CDK17: variants seen among roughly 807,000 people sequenced by gnomAD.
CDK17 encodes cyclin-dependent kinase 17.
A neutral mutation model predicts 77.6 loss-of-function variants in CDK17; 24 were observed. The observed-to-expected ratio is 0.31, with a 90% CI of 0.22 to 0.44. CDK17 has a LOEUF of 0.44. CDK17 is among the 20% of genes least tolerant of loss of function. The pLI is 1.00. For missense variants in CDK17, 429 were observed against 622.5 expected (o/e 0.69, Z 3.31); for synonymous variants, 203 against 210.4 (o/e 0.96, Z 0.30).
chr12:96,354,388 C>T (rs981921455), intron 1 of CDK17, among the ~76,000 whole-genome samples: 1 of 152,194 alleles, frequency 6.6e-6, no homozygotes, highest in Non-Finnish European at 1.5e-5. Flanking sequence ...CTCCTTCAAA[C>T]TCTGCTCCTC....
At chr12:96,399,878 G>C in intron 1 of CDK17, 108 bp downstream of exon 1, 20 of 248,394 alleles carry the variant, frequency 8.1e-5, no homozygotes, top group South Asian at 1.8e-4. Context: ...TGAGCCACCC[G>C]CGCCCCCAGT....
intron 1 of CDK17, among the ~76,000 whole-genome samples, chr12:96,368,338 CT>C (rs748185798): frequency 3.3e-5 from 5 of 152,182 alleles, no homozygotes; most frequent in Non-Finnish European, 5.9e-5. Flanking sequence ...CTTGTTCCCT[CT>C]TTCAAAGGTA....
intron 1 of CDK17, among the ~76,000 whole-genome samples, chr12:96,377,424 A>G (rs762170706): frequency 6.6e-6 from 1 of 152,220 alleles, no homozygotes; most frequent in Non-Finnish European, 1.5e-5. Flanking sequence ...CCAATGACCT[A>G]AGAGAAAAAT....
chr12:96,358,898 G>T (rs1953451176), intron 1 of CDK17, among the ~76,000 whole-genome samples: 1 of 124,394 alleles, frequency 8.0e-6, no homozygotes, highest in African/African-American at 3.1e-5. Context: ...TCAAAAGAGT[G>T]AATTTCTTTT....
intron 1 of CDK17, among the ~76,000 whole-genome samples, chr12:96,350,857 A>T (rs866366423): frequency 1.4e-4 from 21 of 152,294 alleles, no homozygotes; most frequent in Middle Eastern, 3.4e-3. Context: ...GACCCCCAAA[A>T]ACAGACATAT....
chr12:96,387,227 G>T (rs972371687), intron 1 of CDK17: 1 of 241,198 alleles, frequency 4.1e-6, no homozygotes, highest in South Asian at 6.7e-5. Context: ...GGGTCCAATA[G>T]CACACAGCAT....
chr12:96,336,934 A>C (rs1051313033), intron 1 of CDK17, among the ~76,000 whole-genome samples: 3 of 152,124 alleles, frequency 2.0e-5, no homozygotes, highest in Admixed American at 2.0e-4. Flanking sequence ...TTCTCTTGTC[A>C]ATTTTCTTCT....
At chr12:96,311,601 C>CTTTTTTTTTTTTTTTTTTTTTTT (rs1592719896) in intron 4 of CDK17, among the ~76,000 whole-genome samples, 4 of 95,666 alleles carry the variant, frequency 4.2e-5, no homozygotes, top group African/African-American at 1.2e-4. Flanking sequence ...GGCATTTCTA[C>CTTTTTTTTTTTTTTTTTTTTTTT]TTTATTTAAT....
In CDK17 at chr12:96,334,700, C is replaced by T; in HGVS notation, c.118+19G>A. On this transcript the variant is annotated intron_variant, in intron 2 of 16. Coordinates refer to ENST00000261211, the MANE Select transcript of CDK17 (RefSeq NM_002595.5). ...GTAATTAAAAGGAGGAAGCATCTCC[C>T]CCTATGCCAAATATTTACCATTATC... 1 of 1,293,034 alleles carries T rather than the reference C, an allele frequency of 7.7e-7. No individual in the cohort carries two copies. The highest frequency in any genetic ancestry group is 1.1e-6 in the Non-Finnish European group (1 of 890,560). The allele number at this position is 1,293,034 out of a possible 1,614,324, so 80.1% of individuals were successfully genotyped here. A position where few individuals can be genotyped will look rare whatever the true frequency, so the allele number is the denominator to read the frequency against.
chr12:96,306,198 T>C (rs1036103297), intron 5 of CDK17, among the ~76,000 whole-genome samples: 1 of 152,170 alleles, frequency 6.6e-6, no homozygotes. Flanking sequence ...CCAGGAAAAA[T>C]GAATTGTTTC....
chr12:96,369,697 T>A (rs915572340), intron 1 of CDK17, among the ~76,000 whole-genome samples: 113 of 152,184 alleles, frequency 7.4e-4, no homozygotes, highest in Admixed American at 8.5e-4. Context: ...GAGAATCGTT[T>A]GAACCCGGGA....
rs1480949067 is a variant in CDK17, at chr12:96,289,182, G to A, written c.1103C>T (p.Thr368Ile). 1 of 1,613,720 alleles carries A rather than the reference G, an allele frequency of 6.2e-7. No homozygotes were observed. Among genetic ancestry groups the A allele is most frequent in the Non-Finnish European group, 8.5e-7 (1 of 1,179,800 alleles). ...ATATATTTACCACATGTCAATCTGT[G>A]TTGAGTACTCCGAGGAACCAAGAAG... The part of the protein sequence containing the change: ...DVLLGSSEYS[T>I]QIDMWGVGCI... The change falls in exon 11 of 17, where the codon ACA (threonine) becomes ATA (isoleucine). Residue 368 changes from threonine to isoleucine, a missense_variant. By Grantham distance (89) the Thr-to-Ile change is moderately conservative. Coordinates refer to ENST00000261211, the MANE Select transcript of CDK17 (RefSeq NM_002595.5).
rs1304209017 is a variant in CDK17, at chr12:96,377,756, C to G, written c.-30+22230G>C. On this transcript the variant is annotated intron_variant, in intron 1 of 16. Coordinates refer to ENST00000261211, the MANE Select transcript of CDK17 (RefSeq NM_002595.5). ...TCGCCCAGGCTGGAGTGCAGTGGTG[C>G]GATCTCGGCTCACTGCAAGCTCCCC... Among the ~76,000 whole-genome samples the G allele has an allele frequency of 1.3e-4, 18 of 140,758 alleles. No individual in the cohort carries two copies. In the East Asian group the frequency reaches 2.7e-3, roughly 21 times the overall value. The allele number at this position is 140,758 out of a possible 152,430, so 92.3% of individuals were successfully genotyped here. A position where few individuals can be genotyped will look rare whatever the true frequency, so the allele number is the denominator to read the frequency against.
intron 2 of CDK17, among the ~76,000 whole-genome samples, chr12:96,333,493 C>T (rs1952999577): frequency 6.6e-6 from 1 of 151,654 alleles, no homozygotes; most frequent in Non-Finnish European, 1.5e-5. Context: ...GGTGAAACCC[C>T]AACCCCATCC....
intron 2 of CDK17, among the ~76,000 whole-genome samples, chr12:96,328,095 C>A (rs1012095260): frequency 6.6e-6 from 1 of 152,126 alleles, no homozygotes; most frequent in African/African-American, 2.4e-5. Flanking sequence ...TGAGCTCCAC[C>A]TCCTGTCAGA....
chr12:96,307,232 T>C (rs1290585362), intron 5 of CDK17, among the ~76,000 whole-genome samples: 4 of 151,946 alleles, frequency 2.6e-5, no homozygotes, highest in South Asian at 4.1e-4. Flanking sequence ...GAGGCGAAGG[T>C]TGCGGTGACC....
In CDK17 at chr12:96,282,617, A is replaced by C. The variant is rs1421009189; in HGVS notation, c.1366-18T>G. ...GATTCATACTGTGAAAAAGCAAAGA[A>C]CTGCTTCATTAGCTTTTTCTCTAAT... On this transcript the variant is annotated intron_variant, in intron 14 of 16. Coordinates refer to ENST00000261211, the MANE Select transcript of CDK17 (RefSeq NM_002595.5). 6.5e-7 allele frequency: 1 copy of C among 1,527,886 alleles called. No individual in the cohort carries two copies. The highest frequency in any genetic ancestry group is 9.1e-7 in the Non-Finnish European group (1 of 1,103,190). 94.6% of individuals were successfully genotyped at this position (1,527,886 alleles called of 1,614,324 possible).
chr12:96,399,432 C>G (rs1043314843), intron 1 of CDK17: 1 of 152,400 alleles, frequency 6.6e-6, no homozygotes, highest in Admixed American at 6.5e-5. Context: ...CGCGCGGGCT[C>G]CTCCTCCTCC....
intron 1 of CDK17, among the ~76,000 whole-genome samples, chr12:96,367,978 C>T (rs1953615695): frequency 6.6e-6 from 1 of 152,018 alleles, no homozygotes; most frequent in South Asian, 2.1e-4. Context: ...ACTGGTCTGC[C>T]ATATAACACA....
Sources: gnomAD v4.1 joint callset for allele counts (sites outside exome capture counted in the v4.1 genomes callset) on GRCh38, gnomAD v4.1.1 for gene constraint, MANE v1.5 for transcripts, NCBI Gene and HGNC (gene_info 2026-07-23, HGNC 2026-07-21) for gene names.